PTPRD: variants seen among roughly 807,000 people sequenced by gnomAD.
PTPRD encodes protein tyrosine phosphatase receptor type D.
Under a neutral mutation model 214.5 loss-of-function variants are expected in PTPRD, and 34 were observed. The observed-to-expected ratio is 0.16, with a 90% CI of 0.12 to 0.21. The LOEUF is 0.21. Among genes scored for constraint, PTPRD ranks in the 10% least tolerant of loss-of-function variants. The pLI is 1.00. For missense variants in PTPRD, 2,545 were observed against 2,398.7 expected (o/e 1.06, Z -1.27); for synonymous variants, 1,128 against 845.7 (o/e 1.33, Z -5.79).
intron 23 of PTPRD, 72 bp downstream of exon 23, chr9:8,504,189 G>C (rs1490167627): frequency 1.0e-5 from 15 of 1,499,718 alleles, no homozygotes; most frequent in Middle Eastern, 1.7e-4. Context: ...TTGCTTATTG[G>C]TGAAGGTGAA....
At chr9:9,255,322 C>T (rs890979775) in intron 9 of PTPRD, among the ~76,000 whole-genome samples, 2 of 152,104 alleles carry the variant, frequency 1.3e-5, no homozygotes, top group African/African-American at 4.8e-5. Flanking sequence ...TCAATAATTT[C>T]CTTTAAAAGC....
At chr9:8,377,689 CA>C (rs2083668874) in intron 37 of PTPRD, among the ~76,000 whole-genome samples, 1 of 151,822 alleles carries the variant, frequency 6.6e-6, no homozygotes, top group Non-Finnish European at 1.5e-5. Flanking sequence ...CAGTATTTTA[CA>C]ATAGGGAATA....
At chr9:8,396,921 G>A (rs1012618941) in intron 36 of PTPRD, among the ~76,000 whole-genome samples, 18 of 152,082 alleles carry the variant, frequency 1.2e-4, no homozygotes, top group African/African-American at 4.3e-4. Context: ...TCAAAAAAAG[G>A]AAGTGCTTTT....
intron 2 of PTPRD, among the ~76,000 whole-genome samples, chr9:10,492,016 ATC>A (rs1207246720): frequency 2.0e-5 from 3 of 152,092 alleles, no homozygotes; most frequent in Non-Finnish European, 4.4e-5. Context: ...TTCCAGCTTC[ATC>A]TATGTCCCTG....
chr9:10,322,169 G>C (rs917426415), intron 3 of PTPRD, among the ~76,000 whole-genome samples: 2 of 152,110 alleles, frequency 1.3e-5, no homozygotes, highest in Non-Finnish European at 2.9e-5. Context: ...AGACCAGCAT[G>C]TACTCTTCAC....
intron 11 of PTPRD, among the ~76,000 whole-genome samples, chr9:9,016,583 TTA>T (rs1470050555): frequency 6.6e-6 from 1 of 152,160 alleles, no homozygotes; most frequent in Non-Finnish European, 1.5e-5. Context: ...CAGGATATTC[TTA>T]TGAGGCTACA....
chr9:10,009,811 G>C (rs1588812183), intron 4 of PTPRD, among the ~76,000 whole-genome samples: 1 of 151,934 alleles, frequency 6.6e-6, no homozygotes, highest in Non-Finnish European at 1.5e-5. Context: ...GGCCTGTAAA[G>C]CTCTCGTGTA....
chr9:9,441,421 A>G (rs1374082069), intron 8 of PTPRD, among the ~76,000 whole-genome samples: 5 of 152,226 alleles, frequency 3.3e-5, no homozygotes, highest in African/African-American at 9.6e-5. Flanking sequence ...GAAATTCTCT[A>G]TTGGAAAGAT....
chr9:9,636,619 T>C (rs1180833303), intron 7 of PTPRD, among the ~76,000 whole-genome samples: 1 of 152,342 alleles, frequency 6.6e-6, no homozygotes, highest in African/African-American at 2.4e-5. Context: ...CTTTTTCCTC[T>C]GGATATTTTG....
intron 14 of PTPRD, among the ~76,000 whole-genome samples, chr9:8,546,660 C>A (rs34736341): frequency 6.6e-6 from 1 of 151,706 alleles, no homozygotes; most frequent in African/African-American, 2.4e-5. Flanking sequence ...CACCATGCCT[C>A]GCTACTTTTT....
intron 2 of PTPRD, among the ~76,000 whole-genome samples, chr9:10,594,090 T>C (rs777948292): frequency 1.3e-5 from 2 of 152,026 alleles, no homozygotes; most frequent in Admixed American, 6.6e-5. Context: ...TTATTTTAAA[T>C]CATTTATTTC....
intron 8 of PTPRD, among the ~76,000 whole-genome samples, chr9:9,506,700 C>T (rs955790126): frequency 6.6e-6 from 1 of 151,124 alleles, no homozygotes; most frequent in African/African-American, 2.4e-5. Context: ...TGAGGAAATC[C>T]ATATATTTTA....
At chr9:9,912,495 G>C (rs907147419) in intron 5 of PTPRD, among the ~76,000 whole-genome samples, 2 of 152,110 alleles carry the variant, frequency 1.3e-5, no homozygotes, top group African/African-American at 4.8e-5. Flanking sequence ...GGTTGAGATT[G>C]CACTGACACT....
intron 5 of PTPRD, among the ~76,000 whole-genome samples, chr9:9,815,238 G>T (rs1055576220): frequency 6.6e-6 from 1 of 152,106 alleles, no homozygotes; most frequent in African/African-American, 2.4e-5. Context: ...GCTAATCTTT[G>T]ATGAGAGTGC....
rs574826993 is a variant in PTPRD at position 10,106,236 on chromosome 9, G to A, written c.-544-72446C>T. Among the ~76,000 whole-genome samples, 3 of 151,750 alleles carry A rather than the reference G, an allele frequency of 2.0e-5. No homozygotes were observed. The South Asian group carries it at 6.3e-4, about 32-fold the overall frequency. ...AGGTTGATTCCTATTTTTCTATTCT[G>A]CAATATATTGTTCTAGGACCTCCTA... On this transcript the variant is annotated intron_variant, in intron 3 of 45. Coordinates refer to ENST00000381196, the MANE Select transcript of PTPRD (RefSeq NM_002839.4).
chr9:9,969,102 A>G (rs2094916033), intron 4 of PTPRD, among the ~76,000 whole-genome samples: 1 of 152,180 alleles, frequency 6.6e-6, no homozygotes, highest in Non-Finnish European at 1.5e-5. Context: ...AGCATGTGAC[A>G]CGTCCATAAA....
chr9:9,059,808 A>G (rs1262743769), intron 10 of PTPRD, among the ~76,000 whole-genome samples: 1 of 152,148 alleles, frequency 6.6e-6, no homozygotes, highest in East Asian at 1.9e-4. Flanking sequence ...CAAATAACTT[A>G]CAGCAAATAT....
At position 9,035,656 on chromosome 9, in the gene PTPRD, A is replaced by G. The variant is rs551997594; in HGVS notation, c.-142-16921T>C. Among the ~76,000 whole-genome samples the G allele has an allele frequency of 5.1e-4, 77 of 151,968 alleles. 1 individual carries two copies. In the Middle Eastern group the frequency reaches 0.034, roughly 67 times the overall value. ...AAAGTTAAGATAGACTTTATGCCCA[A>G]TGGTGCTGTCAAGTCCTCTTACTTG... is the stretch of plus-strand genomic sequence containing the variant. On this transcript the variant is annotated intron_variant, in intron 10 of 45. Transcript: ENST00000381196.
intron 3 of PTPRD, among the ~76,000 whole-genome samples, chr9:10,185,886 G>T (rs2099328248): frequency 6.6e-6 from 1 of 152,082 alleles, no homozygotes; most frequent in African/African-American, 2.4e-5. Flanking sequence ...TTCTTGTGGA[G>T]AGGGCAAGTG....
Sources: allele counts gnomAD v4.1 joint callset (sites outside exome capture counted in the v4.1 genomes callset), GRCh38; gene constraint gnomAD v4.1.1; transcripts MANE v1.5; gene names NCBI Gene and HGNC (gene_info 2026-07-23, HGNC 2026-07-21).